TENM2: variants seen among roughly 807,000 people sequenced by gnomAD.
TENM2 encodes the protein teneurin transmembrane protein 2.
Under a neutral mutation model 245.2 loss-of-function variants are expected in TENM2, and 52 were observed. The ratio of observed to expected loss-of-function variants is 0.21; its 90% confidence interval spans 0.17 to 0.27. The LOEUF (loss-of-function observed/expected upper bound fraction) is 0.27, where lower values mean the gene tolerates loss of function less well. Ranked by LOEUF, TENM2 falls within the 10% of genes least tolerant of loss-of-function variation. The probability of loss-of-function intolerance (pLI) is 1.00; values close to 1 mark genes in which losing one functional copy is unlikely to be tolerated. For synonymous variants in TENM2, 1,363 were observed against 1,438.9 expected, an observed-to-expected ratio of 0.95 and a Z score of 1.19; for missense variants, 3,046 against 3,666.8, an observed-to-expected ratio of 0.83 and a Z score of 4.37.
At chr5:168,068,887 A>G (rs1015918139) in intron 7 of TENM2, among the ~76,000 whole-genome samples, 11 of 151,874 alleles carry the variant, frequency 7.2e-5, no homozygotes, top group Middle Eastern at 3.4e-3. Context: ...TGAATCTGTA[A>G]CAATGTTGAG....
At chr5:167,858,803 G>A (rs1379736570) in intron 2 of TENM2, among the ~76,000 whole-genome samples, 4 of 149,516 alleles carry the variant, frequency 2.7e-5, no homozygotes, top group African/African-American at 9.8e-5. Flanking sequence ...TTGCCGCCGC[G>A]CCGGCGAGCG....
At chr5:167,243,588 C>T in the TENM2 span, among the ~76,000 whole-genome samples, 1 of 152,210 alleles carries the variant, frequency 6.6e-6, no homozygotes, top group Admixed American at 6.5e-5. Flanking sequence ...TTGAAGGCTG[C>T]ATTGCTAGTT....
intron 1 of TENM2, among the ~76,000 whole-genome samples, chr5:167,286,093 C>T (rs1222466667): frequency 6.6e-6 from 1 of 152,062 alleles, no homozygotes; most frequent in African/African-American, 2.4e-5. Context: ...GCACTATGCC[C>T]ACGGTTTATA....
the TENM2 span, among the ~76,000 whole-genome samples, chr5:166,999,578 G>A: frequency 3.9e-5 from 6 of 152,090 alleles, no homozygotes; most frequent in Admixed American, 2.6e-4. Flanking sequence ...AAGAAGGCAA[G>A]GGATCTAGAA....
intron 25 of TENM2, among the ~76,000 whole-genome samples, chr5:168,239,760 T>G (rs973096960): frequency 6.6e-6 from 1 of 152,218 alleles, no homozygotes; most frequent in Non-Finnish European, 1.5e-5. Context: ...TATAGTATAT[T>G]ATGCACACAT....
In TENM2 at chr5:167,485,770, G is replaced by A. The variant is rs77161862; in HGVS notation, c.502+110297G>A. Among the ~76,000 whole-genome samples the A allele has an allele frequency of 4.8e-3, 738 of 152,190 alleles. 6 individuals carry two copies. Among genetic ancestry groups the A allele is most frequent in the African/African-American group, 0.017 (689 of 41,532 alleles). ...AAGAGCCAATGGAGGATGGCAGAGG[G>A]TTCACATTTTGTATCTCGGTACCTG... On this transcript the variant is annotated intron_variant, in intron 2 of 28. Coordinates refer to ENST00000518659, the Ensembl canonical transcript of TENM2.
intron 2 of TENM2, among the ~76,000 whole-genome samples, chr5:167,809,622 C>T (rs1158273901): frequency 6.6e-6 from 1 of 152,126 alleles, no homozygotes; most frequent in Non-Finnish European, 1.5e-5. Flanking sequence ...AGATATGCCC[C>T]ATTTCTCTTT....
chr5:167,110,126 A>G, the TENM2 span, among the ~76,000 whole-genome samples: 3 of 152,232 alleles, frequency 2.0e-5, no homozygotes, highest in East Asian at 1.9e-4. Flanking sequence ...AGGGCTCCCA[A>G]CAGAGAAATG....
intron 5 of TENM2, among the ~76,000 whole-genome samples, chr5:168,018,093 A>G (rs1214608531): frequency 6.6e-6 from 1 of 152,198 alleles, no homozygotes; most frequent in Non-Finnish European, 1.5e-5. Flanking sequence ...GCCTACCAGC[A>G]TCTCGGAGTT....
chr5:168,248,406 C>A, intron 27 of TENM2, 35 bp downstream of exon 29: 1 of 1,586,724 alleles, frequency 6.3e-7, no homozygotes, highest in African/African-American at 1.3e-5. Flanking sequence ...GGCAGTGGCT[C>A]CCTCCAGGGT....
chr5:167,069,512 T>G, the TENM2 span, among the ~76,000 whole-genome samples: 1 of 152,210 alleles, frequency 6.6e-6, no homozygotes, highest in Non-Finnish European at 1.5e-5. Flanking sequence ...GTCAAAATAA[T>G]TTGATTGAAT....
chr5:167,270,780 A>C, the TENM2 span, among the ~76,000 whole-genome samples: 1 of 152,180 alleles, frequency 6.6e-6, no homozygotes, highest in African/African-American at 2.4e-5. Flanking sequence ...TTTGTAATGA[A>C]GGCAGGCCTT....
At chr5:167,452,755 G>A (rs1765658807) in intron 2 of TENM2, among the ~76,000 whole-genome samples, 1 of 150,942 alleles carries the variant, frequency 6.6e-6, no homozygotes, top group African/African-American at 2.4e-5. Flanking sequence ...CACAGGAAGG[G>A]GAACATCACA....
chr5:167,548,122 T>C (rs1476204227), intron 2 of TENM2, among the ~76,000 whole-genome samples: 1 of 152,142 alleles, frequency 6.6e-6, no homozygotes, highest in Non-Finnish European at 1.5e-5. Context: ...CTAGAATAAT[T>C]TTACCCACCT....
intron 27 of TENM2, among the ~76,000 whole-genome samples, chr5:168,251,149 T>C (rs912129770): frequency 6.6e-6 from 1 of 152,118 alleles, no homozygotes. Context: ...ATCAGACACC[T>C]TGGGAATGAA....
At position 167,663,141 on chromosome 5, in the gene TENM2, GGAGAGAGAGAGAGAGA is replaced by G. The variant is rs544699415; in HGVS notation, c.503-212814_503-212799del. On this transcript the variant is annotated intron_variant, in intron 2 of 28. Coordinates refer to ENST00000518659, the Ensembl canonical transcript of TENM2. The stretch of plus-strand genomic sequence containing the variant: ...AGAGAGACAGAGAGAATGGGGATGG[GGAGAGAGAGAGAGAGA>G]GAGAGAGAGAGAGAGAGAGAGAGAG... Among the ~76,000 whole-genome samples the G allele has an allele frequency of 5.3e-3, 577 of 108,600 alleles. 1 individual carries two copies. The highest frequency in any genetic ancestry group is 0.026 in the Middle Eastern group (5 of 194). 71.2% of individuals were successfully genotyped at this position (108,600 alleles called of 152,430 possible).
At chr5:167,856,241 G>T (rs1771089069) in intron 2 of TENM2, among the ~76,000 whole-genome samples, 1 of 151,946 alleles carries the variant, frequency 6.6e-6, no homozygotes, top group African/African-American at 2.4e-5. Context: ...CACCCCTCCT[G>T]CCCCCACTTT....
At chr5:167,040,788 T>C in the TENM2 span, among the ~76,000 whole-genome samples, 1 of 152,242 alleles carries the variant, frequency 6.6e-6, no homozygotes, top group Non-Finnish European at 1.5e-5. Flanking sequence ...TATGCATACA[T>C]TGAGCTTTAA....
At chr5:168,110,154 G>T (rs748533721) in intron 9 of TENM2, among the ~76,000 whole-genome samples, 12 of 151,664 alleles carry the variant, frequency 7.9e-5, no homozygotes, top group Middle Eastern at 3.4e-3. Flanking sequence ...ACAGAGCTAG[G>T]GGAATCCTGT....
Sources: gnomAD v4.1 joint callset for allele counts (sites outside exome capture counted in the v4.1 genomes callset) on GRCh38, gnomAD v4.1.1 for gene constraint, MANE v1.5 for transcripts, NCBI Gene and HGNC (gene_info 2026-07-23, HGNC 2026-07-21) for gene names.